The following CSRNP3 variants were observed in gnomAD, a reference collection of about 807,000 sequenced individuals.
CSRNP3 encodes the protein cysteine and serine rich nuclear protein 3.
A neutral mutation model predicts 48.0 loss-of-function variants in CSRNP3; 12 were observed. The ratio of observed to expected loss-of-function variants is 0.25; its 90% CI spans 0.16 to 0.41. The LOEUF is 0.41. Among genes scored for constraint, CSRNP3 ranks in the 10% least tolerant of loss-of-function variants. The pLI is 1.00. For synonymous variants in CSRNP3, 263 were observed against 269.7 expected, an observed-to-expected ratio of 0.98 and a Z score of 0.24; for missense variants, 580 against 724.4, an observed-to-expected ratio of 0.80 and a Z score of 2.29.
chr2:165,637,504 G>T (rs1273530959), intron 4 of CSRNP3, among the ~76,000 whole-genome samples: 1 of 152,192 alleles, frequency 6.6e-6, no homozygotes, highest in African/African-American at 2.4e-5. Context: ...TCATGATTGG[G>T]ATCGGAAAGG....
intron 2 of CSRNP3, among the ~76,000 whole-genome samples, chr2:165,511,369 T>C (rs570139006): frequency 8.5e-5 from 13 of 152,172 alleles, no homozygotes; most frequent in East Asian, 7.7e-4. Flanking sequence ...TTATAACATA[T>C]TTGCATACAA....
intron 4 of CSRNP3, among the ~76,000 whole-genome samples, chr2:165,595,906 C>T (rs527241823): frequency 1.3e-5 from 2 of 152,308 alleles, no homozygotes; most frequent in African/African-American, 4.8e-5. Flanking sequence ...AAGTGATTCT[C>T]CTGTCTCAGC....
At chr2:165,470,410 A>C (rs1379435304) in intron 1 of CSRNP3, among the ~76,000 whole-genome samples, 2 of 152,106 alleles carry the variant, frequency 1.3e-5, no homozygotes, top group Non-Finnish European at 2.9e-5. Context: ...ACATGGAGCC[A>C]TTTTTATTTT....
intron 3 of CSRNP3, among the ~76,000 whole-genome samples, chr2:165,519,923 AAG>A (rs1684629364): frequency 1.3e-5 from 2 of 152,194 alleles, no homozygotes; most frequent in African/African-American, 4.8e-5. Flanking sequence ...ATTTACACAA[AAG>A]AGATAGATGT....
rs1159941595 is a variant in CSRNP3 at position 165,681,726 on chromosome 2, CATATATATATATAT to C, written c.*1995_*2008del. 3.5e-4 allele frequency: 33 copies of C among 93,690 alleles called. No homozygotes were observed. Among genetic ancestry groups the C allele is most frequent in the East Asian group, 1.4e-3 (4 of 2,804 alleles). The allele number at this position is 93,690 out of a possible 1,614,324, so 5.8% of individuals were successfully genotyped here. On this transcript the variant is annotated 3_prime_UTR_variant, in exon 7 of 7. Transcript: ENST00000651982. The stretch of plus-strand genomic sequence containing the variant: ...AGGATTTGTTGAAATCTCAAATATA[CATATATATATATAT>C]ATATATATATATATATATATACACA...
intron 1 of CSRNP3, among the ~76,000 whole-genome samples, chr2:165,473,817 A>T (rs781376110): frequency 4.6e-5 from 7 of 152,188 alleles, no homozygotes; most frequent in African/African-American, 1.7e-4. Flanking sequence ...TTGAGCTGAA[A>T]ACTGTTGAAT....
chr2:165,606,339 T>C (rs1307233552), intron 4 of CSRNP3, among the ~76,000 whole-genome samples: 2 of 92,846 alleles, frequency 2.2e-5, no homozygotes, highest in Non-Finnish European at 4.6e-5. Flanking sequence ...ATAAAAGAAC[T>C]GCAAAAATAA....
chr2:165,638,681 A>G lies in CSRNP3; in HGVS notation c.149-19080A>G, dbSNP rs1483908331. Among the ~76,000 whole-genome samples, 14 of 152,234 alleles carry G rather than the reference A, an allele frequency of 9.2e-5. No homozygotes were observed. The East Asian group carries it at 2.5e-3, about 27-fold the overall frequency. Reference sequence around the variant, plus strand: ...ATTTTGCATTATTTGCTAGACAGCAAAAATATATTTTGTTATTTTGATTTT... The same window carrying G: ...ATTTTGCATTATTTGCTAGACAGCAGAAATATATTTTGTTATTTTGATTTT... On this transcript the variant is annotated intron_variant, in intron 4 of 6. Transcript: ENST00000651982.
At position 165,681,579 on chromosome 2, in the gene CSRNP3, G is replaced by A. The variant is rs2105368555; in HGVS notation, c.*1826G>A. ...CCCCTTCTCTTCCCCCCTACATTGG[G>A]CCAAATTTATAACTCTTAATATTAA... On this transcript the variant is annotated 3_prime_UTR_variant, in exon 7 of 7. Coordinates refer to ENST00000651982, the MANE Select transcript of CSRNP3 (RefSeq NM_001172173.2). The A allele has an allele frequency of 6.6e-6, 1 of 151,410 alleles. No individual in the cohort carries two copies. The highest frequency in any genetic ancestry group is 2.1e-4 in the South Asian group (1 of 4,808). The allele number at this position is 151,410 out of a possible 1,614,324, so 9.4% of individuals were successfully genotyped here.
intron 5 of CSRNP3, among the ~76,000 whole-genome samples, chr2:165,661,431 G>A (rs762230227): frequency 6.1e-4 from 93 of 152,242 alleles, no homozygotes; most frequent in Non-Finnish European, 1.2e-3. Flanking sequence ...TTTGCCATAA[G>A]GTAGCAGTTG....
At chr2:165,508,613 T>C (rs937719627) in intron 2 of CSRNP3, among the ~76,000 whole-genome samples, 1 of 152,150 alleles carries the variant, frequency 6.6e-6, no homozygotes, top group African/African-American at 2.4e-5. Context: ...ATCATAAACA[T>C]TTACATATTC....
intron 1 of CSRNP3, among the ~76,000 whole-genome samples, chr2:165,476,573 G>A (rs1418762165): frequency 1.3e-5 from 2 of 152,206 alleles, no homozygotes; most frequent in African/African-American, 2.4e-5. Flanking sequence ...CAGCATGCCG[G>A]TTTCTAGAAA....
chr2:165,517,001 T>C (rs970943985), intron 2 of CSRNP3, among the ~76,000 whole-genome samples: 3 of 152,108 alleles, frequency 2.0e-5, no homozygotes, highest in African/African-American at 7.2e-5. Context: ...CTATTGTCAT[T>C]GGCTATGATC....
chr2:165,555,883 G>A (rs1328132910), intron 3 of CSRNP3, among the ~76,000 whole-genome samples: 2 of 152,174 alleles, frequency 1.3e-5, no homozygotes, highest in African/African-American at 4.8e-5. Context: ...AACAATATAG[G>A]ATATGATCAA....
At chr2:165,553,622 G>A (rs1028160486) in intron 3 of CSRNP3, among the ~76,000 whole-genome samples, 1 of 152,074 alleles carries the variant, frequency 6.6e-6, no homozygotes, top group African/African-American at 2.4e-5. Context: ...TCATCTTCAT[G>A]ATCTTGTTTC....
At chr2:165,668,743 T>C (rs1019887703) in intron 5 of CSRNP3, among the ~76,000 whole-genome samples, 10 of 152,166 alleles carry the variant, frequency 6.6e-5, no homozygotes, top group African/African-American at 2.2e-4. Context: ...GGAAGCTTAT[T>C]CTGCTCTTTT....
intron 5 of CSRNP3, among the ~76,000 whole-genome samples, chr2:165,659,088 G>A (rs1687056465): frequency 6.6e-6 from 1 of 152,186 alleles, no homozygotes; most frequent in Admixed American, 6.5e-5. Context: ...GTCGTCAAGA[G>A]TTTTAAGCTG....
intron 1 of CSRNP3, among the ~76,000 whole-genome samples, chr2:165,484,133 A>G (rs892952132): frequency 1.3e-5 from 2 of 152,186 alleles, no homozygotes; most frequent in African/African-American, 2.4e-5. Context: ...TTTGAGACAG[A>G]GTCCCACTGT....
chr2:165,538,637 T>C (rs1210357195), intron 3 of CSRNP3, among the ~76,000 whole-genome samples: 2 of 151,944 alleles, frequency 1.3e-5, no homozygotes, highest in Non-Finnish European at 2.9e-5. Context: ...CCTAGTATCT[T>C]GCCTTGACAT....
Sources: gnomAD v4.1 joint callset for allele counts (sites outside exome capture counted in the v4.1 genomes callset) on GRCh38, gnomAD v4.1.1 for gene constraint, MANE v1.5 for transcripts, NCBI Gene and HGNC (gene_info 2026-07-23, HGNC 2026-07-21) for gene names.